The following DPP10 variants were observed in gnomAD, a reference collection of about 807,000 sequenced individuals.
The protein encoded by DPP10 is inactive dipeptidyl peptidase 10.
A neutral mutation model predicts 120.9 loss-of-function variants in DPP10; 33 were observed. The observed-to-expected ratio is 0.27, with a 90% CI of 0.21 to 0.37. DPP10 has a LOEUF of 0.37. Ranked by LOEUF, DPP10 falls within the 10% of genes least tolerant of loss-of-function variation. The pLI is 1.00. For synonymous variants in DPP10, 337 were observed against 326.1 expected (o/e 1.03, Z -0.36); for missense variants, 816 against 942.8 (o/e 0.87, Z 1.76).
At chr2:114,901,543 G>A (rs952324441) in intron 1 of DPP10, among the ~76,000 whole-genome samples, 15 of 152,174 alleles carry the variant, frequency 9.9e-5, no homozygotes, top group African/African-American at 3.6e-4. Flanking sequence ...TGTTGAAGAT[G>A]AAGCTCATAG....
chr2:115,599,955 A>T (rs1486859827), intron 5 of DPP10, among the ~76,000 whole-genome samples: 1 of 152,028 alleles, frequency 6.6e-6, no homozygotes, highest in Non-Finnish European at 1.5e-5. Flanking sequence ...ACTTACCTTG[A>T]GTTTATGCAC....
intron 5 of DPP10, among the ~76,000 whole-genome samples, chr2:115,676,342 TC>T (rs2090257060): frequency 6.6e-6 from 1 of 152,126 alleles, no homozygotes; most frequent in Admixed American, 6.5e-5. Context: ...AAGTATTTTA[TC>T]CAAGTAAAAC....
intron 19 of DPP10, among the ~76,000 whole-genome samples, chr2:115,798,808 G>T (rs1029975051): frequency 2.0e-5 from 3 of 151,958 alleles, no homozygotes; most frequent in Non-Finnish European, 4.4e-5. Flanking sequence ...TTCAGCATTG[G>T]ACTTTAGCAC....
At chr2:114,451,901 A>C (rs1375757969) in intron 1 of DPP10, among the ~76,000 whole-genome samples, 2 of 152,176 alleles carry the variant, frequency 1.3e-5, no homozygotes, top group Non-Finnish European at 2.9e-5. Context: ...TGTTAGTATT[A>C]GCCAGACAGG....
chr2:114,632,589 T>C (rs1029470166), intron 1 of DPP10, among the ~76,000 whole-genome samples: 38 of 137,132 alleles, frequency 2.8e-4, no homozygotes, highest in African/African-American at 9.5e-4. Context: ...CTCGGCTCAC[T>C]GCAAGCTCTG....
At chr2:115,684,748 G>A (rs1259360480) in intron 5 of DPP10, among the ~76,000 whole-genome samples, 1 of 151,690 alleles carries the variant, frequency 6.6e-6, no homozygotes, top group East Asian at 1.9e-4. Context: ...AATCCCCATA[G>A]GTGTCTTAGG....
At chr2:115,412,071 A>G (rs541034488) in intron 3 of DPP10, among the ~76,000 whole-genome samples, 1 of 152,344 alleles carries the variant, frequency 6.6e-6, no homozygotes, top group African/African-American at 2.4e-5. Context: ...CTAGGTTTTA[A>G]AGATTAAAAT....
chr2:115,266,362 C>G (rs1399154294), intron 1 of DPP10, among the ~76,000 whole-genome samples: 1 of 152,120 alleles, frequency 6.6e-6, no homozygotes, highest in Admixed American at 6.6e-5. Flanking sequence ...CCATGGTCAC[C>G]TACGTGCTAT....
At chr2:114,748,330 G>A (rs1678786512) in intron 1 of DPP10, among the ~76,000 whole-genome samples, 1 of 133,092 alleles carries the variant, frequency 7.5e-6, no homozygotes, top group Non-Finnish European at 1.6e-5. Flanking sequence ...TAGGACAAAG[G>A]GAATTTTCTT....
intron 3 of DPP10, among the ~76,000 whole-genome samples, chr2:115,355,364 G>A (rs948513928): frequency 1.3e-5 from 2 of 152,038 alleles, no homozygotes; most frequent in Non-Finnish European, 1.5e-5. Flanking sequence ...GTCTTCTTTC[G>A]AGAAGTGTCT....
intron 1 of DPP10, among the ~76,000 whole-genome samples, chr2:114,829,093 C>A (rs1686832293): frequency 6.6e-6 from 1 of 151,942 alleles, no homozygotes; most frequent in African/African-American, 2.4e-5. Flanking sequence ...TCAAGACCAC[C>A]CTGGCCAAGA....
chr2:115,592,017 A>G (rs1395318333), intron 5 of DPP10, among the ~76,000 whole-genome samples: 1 of 152,086 alleles, frequency 6.6e-6, no homozygotes, highest in Non-Finnish European at 1.5e-5. Context: ...GCCCTGAACA[A>G]CACAGCTCCC....
chr2:114,988,966 G>A (rs191841241), intron 1 of DPP10, among the ~76,000 whole-genome samples: 4 of 151,932 alleles, frequency 2.6e-5, no homozygotes, highest in Admixed American at 2.0e-4. Flanking sequence ...AGGTATGGGG[G>A]AAATACAATG....
rs1202250728 is a variant in DPP10 at position 114,489,653 on chromosome 2, T to C, written c.60+46815T>C. On this transcript the variant is annotated intron_variant, in intron 1 of 25. Transcript: ENST00000410059. ...GGCCTGGCAAGAGAATTGTCTTTTT[T>C]TCCCTGGAGCTTGAAAATGGAGTAT... Among the ~76,000 whole-genome samples the C allele has an allele frequency of 5.3e-5, 8 of 152,336 alleles. 1 individual carries two copies. The South Asian group carries it at 1.0e-3, about 20-fold the overall frequency.
intron 1 of DPP10, among the ~76,000 whole-genome samples, chr2:115,138,755 T>C (rs57074465): frequency 0.013 from 2,038 of 152,318 alleles, 51 homozygotes; most frequent in African/African-American, 0.045. Context: ...TGAAACATTA[T>C]ATATTATTAA....
intron 1 of DPP10, among the ~76,000 whole-genome samples, chr2:114,855,346 G>C (rs1689288687): frequency 6.6e-6 from 1 of 151,966 alleles, no homozygotes; most frequent in Non-Finnish European, 1.5e-5. Flanking sequence ...TTATTCTTAA[G>C]ACACAGAAAT....
At chr2:115,380,302 T>C (rs535970601) in intron 3 of DPP10, among the ~76,000 whole-genome samples, 190 of 152,324 alleles carry the variant, frequency 1.2e-3, no homozygotes, top group African/African-American at 4.4e-3. Flanking sequence ...TTTACCATTA[T>C]TTAATGGCCT....
chr2:115,389,900 T>C (rs1008044775), intron 3 of DPP10, among the ~76,000 whole-genome samples: 1 of 152,222 alleles, frequency 6.6e-6, no homozygotes, highest in Non-Finnish European at 1.5e-5. Flanking sequence ...CCATTTGTTG[T>C]AAAATACTCT....
intron 5 of DPP10, among the ~76,000 whole-genome samples, chr2:115,582,384 C>T (rs1017230209): frequency 6.6e-6 from 1 of 152,112 alleles, no homozygotes; most frequent in African/African-American, 2.4e-5. Context: ...CTCCACTTAC[C>T]CAGCTCCTGC....
Sources: allele counts gnomAD v4.1 joint callset (sites outside exome capture counted in the v4.1 genomes callset), GRCh38; gene constraint gnomAD v4.1.1; transcripts MANE v1.5; gene names NCBI Gene and HGNC (gene_info 2026-07-23, HGNC 2026-07-21).